The following CMTM4 variants were observed in gnomAD, a reference collection of about 807,000 sequenced individuals.
CMTM4 encodes CKLF like MARVEL transmembrane domain containing 4, also known as CKLF-like MARVEL transmembrane domain-containing protein 4.
A neutral mutation model predicts 19.0 loss-of-function variants in CMTM4; 8 were observed. The observed-to-expected ratio is 0.42, with a 90% CI of 0.25 to 0.76. The LOEUF (loss-of-function observed/expected upper bound fraction) is 0.76, where lower values mean the gene tolerates loss of function less well. Among genes scored for constraint, CMTM4 ranks in the 30% least tolerant of loss-of-function variants. The pLI, the probability that CMTM4 is intolerant of heterozygous loss-of-function variation, is 0.27. For missense variants in CMTM4, 228 were observed against 290.2 expected (o/e 0.79, Z 1.56); for synonymous variants, 106 against 121.1 (o/e 0.88, Z 0.82).
intron 1 of CMTM4, among the ~76,000 whole-genome samples, chr16:66,660,740 G>A (rs1477040338): frequency 6.6e-6 from 1 of 152,170 alleles, no homozygotes; most frequent in African/African-American, 2.4e-5. Flanking sequence ...AAAAATAACT[G>A]CAAGCTGCTC....
chr16:66,612,752 G>T, downstream of CMTM4: 3 of 984,878 alleles, frequency 3.0e-6, no homozygotes, highest in Non-Finnish European at 4.7e-6. The surrounding 1 kb of genome is among the most constrained non-coding windows in gnomAD (Gnocchi z 6.0). Flanking sequence ...AGGGGGCTGC[G>T]GACACAGCAG....
intron 1 of CMTM4, among the ~76,000 whole-genome samples, chr16:66,671,963 G>C (rs1361664634): frequency 6.6e-6 from 1 of 152,002 alleles, no homozygotes; most frequent in Admixed American, 6.6e-5. Flanking sequence ...GGCAGGTCGA[G>C]GATGTGGTGA....
intron 1 of CMTM4, among the ~76,000 whole-genome samples, chr16:66,688,078 G>A (rs530806361): frequency 7.9e-5 from 12 of 152,282 alleles, no homozygotes; most frequent in African/African-American, 2.9e-4. Flanking sequence ...CAGTATCTGA[G>A]TGAGGGCCCA....
At chr16:66,661,115 G>A (rs1231786346) in intron 1 of CMTM4, among the ~76,000 whole-genome samples, 2 of 152,196 alleles carry the variant, frequency 1.3e-5, no homozygotes, top group Non-Finnish European at 2.9e-5. Context: ...ATGGGCTCAG[G>A]TGAAGGGCCA....
At chr16:66,609,967 G>A (rs1597209795), downstream of CMTM4, 1 of 1,614,156 alleles carries the variant, frequency 6.2e-7, no homozygotes, top group Non-Finnish European at 8.5e-7. This position sits in a 1 kb window ranked among gnomAD's most constrained non-coding sequence, Gnocchi z 4.4. Context: ...CAAACAAGGG[G>A]ACTCTGCAGA....
chr16:66,600,574 C>T, the CMTM4 span, among the ~76,000 whole-genome samples: 2 of 152,076 alleles, frequency 1.3e-5, no homozygotes, highest in African/African-American at 2.4e-5. Context: ...TCTAGCCCTG[C>T]CCCTTTTCTG....
chr16:66,613,293 T>C (rs932518482), downstream of CMTM4: 1 of 607,722 alleles, frequency 1.6e-6, no homozygotes, highest in African/African-American at 1.8e-5. Context: ...ATTCTGGGTC[T>C]AAGACTGTTT....
At chr16:66,684,750 G>A (rs1278114161) in intron 1 of CMTM4, among the ~76,000 whole-genome samples, 1 of 152,222 alleles carries the variant, frequency 6.6e-6, no homozygotes, top group Non-Finnish European at 1.5e-5. Context: ...CACTTTCTGA[G>A]CTTGAGCCCT....
At chr16:66,694,712 CAAAAAAAAAAAA>C (rs752909314) in intron 1 of CMTM4, among the ~76,000 whole-genome samples, 19 of 44,368 alleles carry the variant, frequency 4.3e-4, no homozygotes, top group East Asian at 2.7e-3. Flanking sequence ...GACTCCATCT[CAAAAAAAAAAAA>C]AAAAAAAAAA....
At chr16:66,639,700 T>C (rs557366863) in intron 1 of CMTM4, among the ~76,000 whole-genome samples, 2 of 152,096 alleles carry the variant, frequency 1.3e-5, no homozygotes, top group Admixed American at 1.3e-4. Context: ...CTGGCCAACA[T>C]GGCGAAATCC....
rs1226151539 is a variant in CMTM4 at position 66,696,505 on chromosome 16, C to T, written c.21G>A (p.Leu7=). ...TCGAGGCCTCGCCCTCGAAGCCGTC[C>T]AGCTCCTCGCCGCTCCGCATGCTGC... is the stretch of plus-strand genomic sequence containing the variant. MRSGEE[L]DGFEGEASST... is the part of the protein sequence containing the mutation. The change falls in exon 1 of 4, where the codon CTG becomes CTA. Residue 7 remains leucine (L), a synonymous_variant. Transcript: ENST00000394106. This position sits in a 1 kb window ranked among gnomAD's most constrained non-coding sequence, Gnocchi z 4.3. 15 of 1,219,334 alleles carry T rather than the reference C, an allele frequency of 1.2e-5. No individual in the cohort carries two copies. The highest frequency in any genetic ancestry group is 3.2e-5 in the African/African-American group (2 of 63,056). 75.5% of individuals were successfully genotyped at this position (1,219,334 alleles called of 1,614,324 possible). A position where few individuals can be genotyped will look rare whatever the true frequency, so the allele number is the denominator to read the frequency against.
intron 1 of CMTM4, among the ~76,000 whole-genome samples, chr16:66,649,494 C>CTATCTATG (rs61332472): frequency 6.6e-6 from 1 of 151,096 alleles, no homozygotes; most frequent in Non-Finnish European, 1.5e-5. Flanking sequence ...ATCTATCTAT[C>CTATCTATG]CCTGATTTTT....
At chr16:66,693,523 A>C (rs903862686) in intron 1 of CMTM4, among the ~76,000 whole-genome samples, 6 of 152,222 alleles carry the variant, frequency 3.9e-5, no homozygotes, top group African/African-American at 1.4e-4. Flanking sequence ...TTTAGAGTCC[A>C]ATTTCTTGGA....
Position 66,617,678 on chromosome 16 carries a change from A to G in CMTM4, c.*4380T>C, listed in dbSNP as rs745893287. 4.7e-6 allele frequency: 5 copies of G among 1,065,188 alleles called. No individual in the cohort carries two copies. The highest frequency in any genetic ancestry group is 5.7e-6 in the Non-Finnish European group (5 of 879,106). The allele number at this position is 1,065,188 out of a possible 1,614,324, so 66.0% of individuals were successfully genotyped here. ...TTGAATGATATCTGCTGAGAAGAGA[A>G]GAAACACAAGATTCTACAAAGCGCC... On this transcript the variant is annotated 3_prime_UTR_variant, in exon 4 of 4. Coordinates refer to ENST00000394106, the MANE Select transcript of CMTM4 (RefSeq NM_181521.3).
chr16:66,665,094 C>T (rs565687726), intron 1 of CMTM4, among the ~76,000 whole-genome samples: 178 of 151,990 alleles, frequency 1.2e-3, no homozygotes, highest in African/African-American at 4.1e-3. Flanking sequence ...CAGTTACATG[C>T]CACCATGCCC....
chr16:66,626,499 G>T (rs946156454), intron 2 of CMTM4, among the ~76,000 whole-genome samples: 1 of 152,166 alleles, frequency 6.6e-6, no homozygotes, highest in South Asian at 2.1e-4. Flanking sequence ...CCAGTTACTC[G>T]GCAGGCTGAG....
At chr16:66,679,018 G>C (rs889758232) in intron 1 of CMTM4, among the ~76,000 whole-genome samples, 1 of 151,648 alleles carries the variant, frequency 6.6e-6, no homozygotes, top group South Asian at 2.1e-4. Context: ...AGGATCACTT[G>C]AGCCCAGGAG....
chr16:66,636,049 T>G (rs1260481670), intron 2 of CMTM4, among the ~76,000 whole-genome samples: 1 of 152,244 alleles, frequency 6.6e-6, no homozygotes, highest in Non-Finnish European at 1.5e-5. Context: ...AATATTTTTA[T>G]AAATGGCTTT....
intron 1 of CMTM4, among the ~76,000 whole-genome samples, chr16:66,652,673 C>A (rs1382580601): frequency 6.6e-6 from 1 of 152,144 alleles, no homozygotes; most frequent in African/African-American, 2.4e-5. Context: ...ATCACAGGCT[C>A]CAATTAAAAT....
Sources: allele counts gnomAD v4.1 joint callset (sites outside exome capture counted in the v4.1 genomes callset), GRCh38; gene constraint gnomAD v4.1.1; non-coding constraint Gnocchi (gnomAD v3.1); transcripts MANE v1.5; gene names NCBI Gene and HGNC (gene_info 2026-07-23, HGNC 2026-07-21).